Variants in ERMN observed in about 807,000 individuals in gnomAD.
ERMN encodes the protein ermin, ERM-like protein.
Under a neutral mutation model 21.4 loss-of-function variants are expected in ERMN, and 17 were observed. That is an observed-to-expected ratio of 0.80 (90% confidence interval 0.54 to 1.19). The LOEUF (loss-of-function observed/expected upper bound fraction) is 1.19. Ranked by LOEUF, ERMN falls within the 50% of genes most tolerant of loss-of-function variation. The probability of loss-of-function intolerance (pLI) is 0.00; values close to 1 mark genes in which losing one functional copy is unlikely to be tolerated. For missense variants in ERMN, 348 were observed against 331.6 expected (o/e 1.05, Z -0.38); for synonymous variants, 115 against 111.9 (o/e 1.03, Z -0.17).
upstream of ERMN, chr2:157,325,889 C>T: frequency 1.4e-6 from 2 of 1,392,928 alleles, no homozygotes; most frequent in East Asian, 2.6e-5. Flanking sequence ...AGCCAATCAC[C>T]ACCTTCTTTG....
chr2:157,318,641 G>A lies in ERMN; in HGVS notation c.*2630C>T, dbSNP rs181605994. Reference sequence around the variant, plus strand: ...AGACACAAACTTTTATTGAGAGTAAGTCAGACACAGCAGTTCTTTATTTAA... The same window carrying A: ...AGACACAAACTTTTATTGAGAGTAAATCAGACACAGCAGTTCTTTATTTAA... On this transcript the variant is annotated 3_prime_UTR_variant, in exon 3 of 3. Coordinates refer to ENST00000410096, the MANE Select transcript of ERMN (RefSeq NM_020711.3). The A allele has an allele frequency of 9.2e-5, 14 of 152,272 alleles. No homozygotes were observed. Among genetic ancestry groups the A allele is most frequent in the African/African-American group, 3.4e-4 (14 of 41,566 alleles). 9.4% of individuals were successfully genotyped at this position (152,272 alleles called of 1,614,324 possible).
chr2:157,325,236 C>T, intron 1 of ERMN, 166 bp downstream of exon 1: 1 of 967,534 alleles, frequency 1.0e-6, no homozygotes, highest in East Asian at 2.7e-5. Flanking sequence ...AATAGACCAG[C>T]CTGGATTTCA....
chr2:157,326,026 G>T, upstream of ERMN: 1 of 853,448 alleles, frequency 1.2e-6, no homozygotes, highest in Non-Finnish European at 1.5e-6. Context: ...CCCCCTCTGG[G>T]AACAGAGATT....
At chr2:157,324,511 T>A (rs1202821060) in intron 2 of ERMN, among the ~76,000 whole-genome samples, 159 bp downstream of exon 2, 1 of 152,182 alleles carries the variant, frequency 6.6e-6, no homozygotes, top group Non-Finnish European at 1.5e-5. Flanking sequence ...AACCCACAGA[T>A]AAGTTAAGAC....
rs1683805045 is a variant in ERMN, at chr2:157,319,190, G to T, written c.*2081C>A. ...CAAAGAATAGTTTCAGGGTTTTTTT[G>T]CAAAAACATTGTGTCATCCATGAAC... On this transcript the variant is annotated 3_prime_UTR_variant, in exon 3 of 3. Coordinates refer to ENST00000410096, the MANE Select transcript of ERMN (RefSeq NM_020711.3). 6.6e-6 allele frequency: 1 copy of T among 151,988 alleles called. No individual in the cohort carries two copies. The highest frequency in any genetic ancestry group is 2.4e-5 in the African/African-American group (1 of 41,412). 9.4% of individuals were successfully genotyped at this position (151,988 alleles called of 1,614,324 possible). A position where few individuals can be genotyped will look rare whatever the true frequency, so the allele number is the denominator to read the frequency against.
At position 157,325,706 on chromosome 2, in the gene ERMN, T is replaced by A. The variant is rs201101603; in HGVS notation, c.-64A>T. 2.5e-6 allele frequency: 4 copies of A among 1,608,536 alleles called. No individual in the cohort carries two copies. The highest frequency in any genetic ancestry group is 3.3e-4 in the Middle Eastern group (2 of 6,042). On this transcript the variant is annotated 5_prime_UTR_variant, in exon 1 of 3. Coordinates refer to ENST00000410096, the MANE Select transcript of ERMN (RefSeq NM_020711.3). ...GGAAACTGAGTGAGTAGATCCTTGA[T>A]AAGATACCTGCTCTTGCCTTCAAGT...
chr2:157,327,504 T>C, upstream of ERMN: 2 of 779,708 alleles, frequency 2.6e-6, no homozygotes, highest in South Asian at 1.3e-5. Context: ...GTAGGTGCTG[T>C]TGTTATCTCC....
intron 1 of ERMN, chr2:157,325,155 ATTCCGC>A: frequency 3.1e-6 from 2 of 635,472 alleles, no homozygotes; most frequent in South Asian, 3.0e-5. Flanking sequence ...TATTATTATT[ATTCCGC>A]CTTCTTCTAG....
chr2:157,322,606 T>C (rs971857299), intron 2 of ERMN, among the ~76,000 whole-genome samples: 2 of 152,234 alleles, frequency 1.3e-5, no homozygotes, highest in Non-Finnish European at 2.9e-5. Context: ...AATGTTCCTC[T>C]TTGTCTTTTT....
rs759471332 is a variant in ERMN, at chr2:157,319,219, A to C, written c.*2052T>G. 2 of 152,194 alleles carry C rather than the reference A, an allele frequency of 1.3e-5. No homozygotes were observed. Among genetic ancestry groups the C allele is most frequent in the African/African-American group, 2.4e-5 (1 of 41,458 alleles). 9.4% of individuals were successfully genotyped at this position (152,194 alleles called of 1,614,324 possible). ...AAACATTGTGTCATCCATGAACATGAAGCATTTACCAACTAAACATACCCT... is the reference window on the plus strand; with the variant it reads ...AAACATTGTGTCATCCATGAACATGCAGCATTTACCAACTAAACATACCCT... On this transcript the variant is annotated 3_prime_UTR_variant, in exon 3 of 3. Transcript: ENST00000410096.
chr2:157,325,120 C>T (rs1684030006), intron 1 of ERMN: 5 of 572,912 alleles, frequency 8.7e-6, no homozygotes, highest in South Asian at 7.7e-5. Context: ...TAACATTTAG[C>T]CAATACTTAC....
At chr2:157,327,069 T>TTA (rs1273794822), upstream of ERMN, 5 of 150,008 alleles carry the variant, frequency 3.3e-5, no homozygotes, top group East Asian at 1.9e-4. Context: ...ACACAAATAA[T>TTA]TATATATATA....
chr2:157,324,693 G>A lies in ERMN; in HGVS notation c.311C>T (p.Ala104Val), dbSNP rs1684014030. Residue 104 changes from alanine to valine, a missense_variant, in exon 2 of 3, where the codon GCT becomes GTT. Coordinates refer to ENST00000410096, the MANE Select transcript of ERMN (RefSeq NM_020711.3). ...ACCTTCTCTGAATGTCATTTCATCA[G>A]CACTAGTTTCTTGGAGAGAAAGATC... ...ITDLSLQETS[A>V]DEMTFREGHQ... The A allele has an allele frequency of 2.5e-6, 4 of 1,612,938 alleles. No individual in the cohort carries two copies. Among genetic ancestry groups the A allele is most frequent in the Non-Finnish European group, 3.4e-6 (4 of 1,179,256 alleles).
rs1683884227 is a variant in ERMN at position 157,321,235 on chromosome 2, T to C, written c.*36A>G. The C allele has an allele frequency of 3.8e-6, 6 of 1,585,018 alleles. No individual in the cohort carries two copies. The highest frequency in any genetic ancestry group is 1.3e-5 in the African/African-American group (1 of 74,214). ...CTGGGGCAATAGAATTAGCTTTTCC[T>C]TTAGTGGGCATGAGAATTTCTCAGT... On this transcript the variant is annotated 3_prime_UTR_variant, in exon 3 of 3. Transcript: ENST00000410096.
chr2:157,325,678 T>C lies in ERMN; in HGVS notation c.-36A>G, dbSNP rs1296353290. The C allele has an allele frequency of 1.2e-6, 2 of 1,613,382 alleles. No homozygotes were observed. Among genetic ancestry groups the C allele is most frequent in the Admixed American group, 1.7e-5 (1 of 60,026 alleles). Reference sequence around the variant, plus strand: ...TGAATCCGATCTGGAGAGAGAGCTTTAGGGAAACTGAGTGAGTAGATCCTT... The same window carrying C: ...TGAATCCGATCTGGAGAGAGAGCTTCAGGGAAACTGAGTGAGTAGATCCTT... On this transcript the variant is annotated 5_prime_UTR_variant, in exon 1 of 3. Coordinates refer to ENST00000410096, the MANE Select transcript of ERMN (RefSeq NM_020711.3).
In ERMN at chr2:157,321,246, T is replaced by C; in HGVS notation, c.*25A>G. Reference sequence around the variant, plus strand: ...GAATTAGCTTTTCCTTTAGTGGGCATGAGAATTTCTCAGTTCCAGTTAGTT... The same window carrying C: ...GAATTAGCTTTTCCTTTAGTGGGCACGAGAATTTCTCAGTTCCAGTTAGTT... On this transcript the variant is annotated 3_prime_UTR_variant, in exon 3 of 3. Transcript: ENST00000410096. The C allele has an allele frequency of 1.3e-6, 2 of 1,595,490 alleles. No individual in the cohort carries two copies. Among genetic ancestry groups the C allele is most frequent in the Non-Finnish European group, 1.7e-6 (2 of 1,170,428 alleles).
chr2:157,324,982 T>A, intron 1 of ERMN: 1 of 281,810 alleles, frequency 3.5e-6, no homozygotes. Context: ...TTATATAAGA[T>A]ATATATATAA....
chr2:157,325,119 G>C, intron 1 of ERMN: 1 of 570,486 alleles, frequency 1.8e-6, no homozygotes, highest in Non-Finnish European at 3.4e-6. Flanking sequence ...TTAACATTTA[G>C]CCAATACTTA....
chr2:157,327,255 G>T (rs1263049101), upstream of ERMN: 1 of 518,754 alleles, frequency 1.9e-6, no homozygotes, highest in African/African-American at 1.9e-5. Context: ...CTATATCAGG[G>T]ACAACACCTC....
Sources: allele counts gnomAD v4.1 joint callset (sites outside exome capture counted in the v4.1 genomes callset), GRCh38; gene constraint gnomAD v4.1.1; transcripts MANE v1.5; gene names NCBI Gene and HGNC (gene_info 2026-07-23, HGNC 2026-07-21).